TUBB8: variants seen among roughly 807,000 people sequenced by gnomAD.
The protein encoded by TUBB8 is tubulin beta 8 class VIII.
TUBB8 carries 25 observed loss-of-function variants against 33.7 expected under a neutral mutation model. The ratio of observed to expected loss-of-function variants is 0.74; its 90% CI spans 0.54 to 1.04. The LOEUF (loss-of-function observed/expected upper bound fraction) is 1.04. TUBB8 is among the 50% of genes least tolerant of loss of function. TUBB8 has a pLI of 0.00. For missense variants in TUBB8, 279 were observed against 608.0 expected (o/e 0.46, Z 5.69); for synonymous variants, 245 against 240.1 (o/e 1.02, Z -0.19).
At chr10:72,865 A>T (rs9419536) in intron 1 of TUBB8, among the ~76,000 whole-genome samples, 3 of 146,962 alleles carry the variant, frequency 2.0e-5, no homozygotes, top group African/African-American at 7.6e-5. Context: ...AAAAAAAAAA[A>T]AAAAGCAAAA....
In TUBB8 at chr10:60,923, A is replaced by G. The variant is rs868987912; in HGVS notation, c.-845-10690T>C. 3.5e-3 allele frequency among the ~76,000 whole-genome samples: 535 copies of G among 151,716 alleles called. 2 individuals are homozygous for G. The highest frequency in any genetic ancestry group is 0.012 in the African/African-American group (501 of 41,068). On this transcript the variant is annotated intron_variant, in intron 1 of 3. Transcript: ENST00000564130. ...AAAAAATGATGAGTTCATGTACTTT[A>G]TAGGGACATGGATGAAACTGGAAAT...
At chr10:50,652 C>T (rs1161127454), upstream of TUBB8, among the ~76,000 whole-genome samples, 1 of 152,184 alleles carries the variant, frequency 6.6e-6, no homozygotes, top group Non-Finnish European at 1.5e-5. Context: ...GGAGTCCCCA[C>T]CCATTCCAAA....
upstream of TUBB8, among the ~76,000 whole-genome samples, chr10:53,188 C>T (rs1337716894): frequency 1.3e-5 from 2 of 152,114 alleles, no homozygotes; most frequent in Non-Finnish European, 2.9e-5. Flanking sequence ...GAGTGCAGTG[C>T]ACCATCTTGC....
rs1271631908 is a variant in TUBB8, at chr10:46,965, A to G, written c.*92T>C. 1.0e-5 allele frequency: 6 copies of G among 599,128 alleles called. No homozygotes were observed. Among genetic ancestry groups the G allele is most frequent in the African/African-American group, 2.0e-5 (1 of 50,490 alleles). 37.1% of individuals were successfully genotyped at this position (599,128 alleles called of 1,614,324 possible). On this transcript the variant is annotated 3_prime_UTR_variant, in exon 4 of 4. Transcript: ENST00000568584. ...TTAAAACGCAGCAGGAGATGTGAAG[A>G]CACAAATTAACAAGCGTATAGTGAC...
At chr10:60,481 C>T (rs1413525220) in intron 1 of TUBB8, among the ~76,000 whole-genome samples, 6 of 152,168 alleles carry the variant, frequency 3.9e-5, no homozygotes, top group African/African-American at 1.4e-4. Flanking sequence ...AAAAAATGCT[C>T]ATCATCACTG....
chr10:75,212 G>A (rs1317913695), upstream of TUBB8, among the ~76,000 whole-genome samples: 2 of 151,260 alleles, frequency 1.3e-5, no homozygotes, highest in African/African-American at 4.9e-5. Context: ...AGCTGTGCAT[G>A]GTGGCTGGTG....
intron 1 of TUBB8, among the ~76,000 whole-genome samples, chr10:60,342 A>C (rs1834582056): frequency 6.6e-6 from 1 of 151,906 alleles, no homozygotes; most frequent in African/African-American, 2.4e-5. Flanking sequence ...CAAAGGGCTA[A>C]TATCCAGAAT....
At chr10:60,177 G>C (rs1834580062) in intron 1 of TUBB8, among the ~76,000 whole-genome samples, 1 of 151,832 alleles carries the variant, frequency 6.6e-6, no homozygotes, top group Non-Finnish European at 1.5e-5. Flanking sequence ...TTATTCTAGT[G>C]AATTAAGATG....
intron 1 of TUBB8, among the ~76,000 whole-genome samples, chr10:69,840 G>A (rs557111299): frequency 5.0e-4 from 76 of 152,322 alleles, no homozygotes; most frequent in African/African-American, 1.8e-3. Context: ...GCAGTGAGCC[G>A]AGATGGTGCC....
Position 68,256 on chromosome 10 carries a change from C to T in TUBB8, c.-846+5713G>A, listed in dbSNP as rs58095416. On this transcript the variant is annotated intron_variant, in intron 1 of 3. Coordinates refer to the TUBB8 transcript ENST00000564130. ...GAAGCCCACAAGATTCATGACACTC[C>T]TAAGACTCATATGACACCCATAATA... 5.9e-3 allele frequency among the ~76,000 whole-genome samples: 898 copies of T among 152,298 alleles called. 2 individuals are homozygous for T. Among genetic ancestry groups the T allele is most frequent in the African/African-American group, 0.021 (859 of 41,556 alleles).
chr10:49,125 A>AC, intron 1 of TUBB8, 57 bp downstream of exon 1: 3 of 1,526,026 alleles, frequency 2.0e-6, no homozygotes, highest in Non-Finnish European at 2.7e-6. Context: ...CACTGCCAAC[A>AC]CCTTCCCCGG....
intron 1 of TUBB8, among the ~76,000 whole-genome samples, chr10:55,215 C>A (rs1432788189): frequency 6.6e-6 from 1 of 152,078 alleles, no homozygotes; most frequent in Non-Finnish European, 1.5e-5. Flanking sequence ...GGGGAAGAGC[C>A]CCTTATAAAA....
intron 3 of TUBB8, 197 bp downstream of exon 3, chr10:48,418 T>C: frequency 3.0e-6 from 2 of 657,576 alleles, no homozygotes; most frequent in East Asian, 2.7e-5. Context: ...CATCAGTAAC[T>C]CCTCACCTTG....
intron 1 of TUBB8, among the ~76,000 whole-genome samples, chr10:66,066 G>T (rs1376887415): frequency 1.3e-5 from 2 of 152,192 alleles, no homozygotes; most frequent in African/African-American, 4.8e-5. Flanking sequence ...TTACTCCTAA[G>T]ATCAGGACCA....
chr10:59,186 G>T (rs1376673574), intron 1 of TUBB8, among the ~76,000 whole-genome samples: 1 of 152,032 alleles, frequency 6.6e-6, no homozygotes, highest in African/African-American at 2.4e-5. Context: ...TGATTACATG[G>T]ATTTTGTCCT....
chr10:64,975 T>TAAAAAAAAAAAAAAAAAAAA (rs61340461), intron 1 of TUBB8, among the ~76,000 whole-genome samples: 20 of 118,556 alleles, frequency 1.7e-4, no homozygotes, highest in Non-Finnish European at 2.5e-4. Context: ...CCATCTCCAC[T>TAAAAAAAAAAAAAAAAAAAA]AAAAAAAAAA....
At chr10:49,423 C>A (rs115560198), upstream of TUBB8, 3 of 715,138 alleles carry the variant, frequency 4.2e-6, no homozygotes, top group Non-Finnish European at 7.7e-6. Flanking sequence ...GATCCCCTGG[C>A]GCTGAACATC....
upstream of TUBB8, among the ~76,000 whole-genome samples, chr10:51,006 T>C (rs1834462139): frequency 1.3e-5 from 2 of 152,232 alleles, no homozygotes; most frequent in South Asian, 4.1e-4. Context: ...AAATCTTATC[T>C]TGAATTGTAG....
intron 1 of TUBB8, among the ~76,000 whole-genome samples, chr10:62,000 T>G (rs145426513): frequency 1.0e-3 from 6 of 5,900 alleles, no homozygotes; most frequent in East Asian, 4.2e-3. Context: ...GGTAAAGTAT[T>G]TTTTTTTTGT....
Sources: gnomAD v4.1 joint callset for allele counts (sites outside exome capture counted in the v4.1 genomes callset) on GRCh38, gnomAD v4.1.1 for gene constraint, MANE v1.5 for transcripts, NCBI Gene and HGNC (gene_info 2026-07-23, HGNC 2026-07-21) for gene names.